CALCRL: variants seen among roughly 807,000 people sequenced by gnomAD.
The protein encoded by CALCRL is calcitonin receptor like receptor, also known as calcitonin gene-related peptide type 1 receptor.
In CALCRL, 27 loss-of-function variants were observed where a neutral mutation model predicts 60.4. The observed-to-expected ratio is 0.45, with a 90% CI of 0.33 to 0.62. The LOEUF (loss-of-function observed/expected upper bound fraction) is 0.62. Among genes scored for constraint, CALCRL ranks in the 20% least tolerant of loss-of-function variants. The pLI is 0.03. For missense variants in CALCRL, 424 were observed against 540.7 expected, an observed-to-expected ratio of 0.78 and a Z score of 2.14; for synonymous variants, 190 against 182.6, an observed-to-expected ratio of 1.04 and a Z score of -0.33.
At chr2:187,363,577 TTC>T in intron 8 of CALCRL, 75 bp from the exon 9 acceptor site, 1 of 1,372,118 alleles carries the variant, frequency 7.3e-7, no homozygotes, top group South Asian at 1.6e-5. Context: ...ATAAGATACA[TTC>T]CCAATTCATA....
chr2:187,427,387 ATGT>A (rs1370262213), intron 1 of CALCRL, among the ~76,000 whole-genome samples: 10 of 152,202 alleles, frequency 6.6e-5, no homozygotes, highest in East Asian at 3.9e-4. Context: ...AAAAATGAAA[ATGT>A]TGTTGCATTT....
At chr2:187,400,236 T>C (rs2105821772) in intron 1 of CALCRL, among the ~76,000 whole-genome samples, 1 of 151,462 alleles carries the variant, frequency 6.6e-6, no homozygotes, top group Non-Finnish European at 1.5e-5. Flanking sequence ...TTTAAAAAAA[T>C]TGATGGGCAA....
At chr2:187,358,063 A>G (rs766461419) in intron 12 of CALCRL, among the ~76,000 whole-genome samples, 1 of 152,100 alleles carries the variant, frequency 6.6e-6, no homozygotes, top group Non-Finnish European at 1.5e-5. Context: ...GTATTAATTT[A>G]CTTTCTCATT....
At chr2:187,405,960 GGT>G (rs3079520) in intron 1 of CALCRL, among the ~76,000 whole-genome samples, 78,368 of 146,366 alleles carry the variant, frequency 0.54, 20,583 homozygotes, top group East Asian at 0.63. Context: ...TGTATGTAGG[GGT>G]GTGTGTGTGT....
At chr2:187,405,789 G>C (rs1689091016) in intron 1 of CALCRL, among the ~76,000 whole-genome samples, 1 of 152,026 alleles carries the variant, frequency 6.6e-6, no homozygotes. Flanking sequence ...CTTGCAGCCA[G>C]CAATTAAGCT....
chr2:187,415,227 T>G (rs1689549888), intron 1 of CALCRL, among the ~76,000 whole-genome samples: 1 of 152,198 alleles, frequency 6.6e-6, no homozygotes, highest in African/African-American at 2.4e-5. Flanking sequence ...GACAAATGCT[T>G]CCTAAATGTT....
chr2:187,435,465 G>A (rs1039276698), intron 1 of CALCRL, among the ~76,000 whole-genome samples: 31 of 152,104 alleles, frequency 2.0e-4, no homozygotes, highest in Admixed American at 2.0e-3. Context: ...CTCCAACACT[G>A]GGGAATCACA....
chr2:187,446,435 A>T (rs1691189279), intron 1 of CALCRL, among the ~76,000 whole-genome samples: 3 of 151,796 alleles, frequency 2.0e-5, no homozygotes, highest in Admixed American at 2.0e-4. Flanking sequence ...TAGTAAACTC[A>T]TAAAAATTTA....
At chr2:187,370,173 A>C (rs978435531) in intron 8 of CALCRL, among the ~76,000 whole-genome samples, 2 of 152,118 alleles carry the variant, frequency 1.3e-5, no homozygotes, top group Admixed American at 1.3e-4. Context: ...TCATCAGCAA[A>C]TATTAGCAGC....
At chr2:187,407,644 T>C (rs1689192435) in intron 1 of CALCRL, among the ~76,000 whole-genome samples, 1 of 152,094 alleles carries the variant, frequency 6.6e-6, no homozygotes, top group African/African-American at 2.4e-5. Flanking sequence ...TCAATTTTAA[T>C]AATACAAGAA....
chr2:187,348,357 C>T (rs1186321148), intron 14 of CALCRL, among the ~76,000 whole-genome samples: 3 of 151,540 alleles, frequency 2.0e-5, no homozygotes, highest in Non-Finnish European at 4.4e-5. Flanking sequence ...ATAAACTTCT[C>T]CTAATTTTGT....
rs1262233154 is a variant in CALCRL, at chr2:187,344,209, A to G, written c.*1975T>C. On this transcript the variant is annotated 3_prime_UTR_variant, in exon 15 of 15. Coordinates refer to ENST00000392370, the MANE Select transcript of CALCRL (RefSeq NM_005795.6). ...TCTAGAACAGCCTGCGTTCCTTTCTATGGCAGCTTGCTATGAAATTCATGT... is the reference window on the plus strand; with the variant it reads ...TCTAGAACAGCCTGCGTTCCTTTCTGTGGCAGCTTGCTATGAAATTCATGT... 1 of 151,682 alleles carries G rather than the reference A, an allele frequency of 6.6e-6. No homozygotes were observed. The highest frequency in any genetic ancestry group is 1.5e-5 in the Non-Finnish European group (1 of 67,704). 9.4% of individuals were successfully genotyped at this position (151,682 alleles called of 1,614,324 possible).
intron 1 of CALCRL, among the ~76,000 whole-genome samples, chr2:187,401,210 G>A (rs1688874903): frequency 6.6e-6 from 1 of 151,578 alleles, no homozygotes; most frequent in Admixed American, 6.6e-5. Flanking sequence ...AAAAGGCCAT[G>A]TGTATCTAAG....
At chr2:187,362,575 G>GAC (rs3836102) in intron 9 of CALCRL, among the ~76,000 whole-genome samples, 7 of 151,262 alleles carry the variant, frequency 4.6e-5, no homozygotes, top group African/African-American at 9.7e-5. Context: ...ACTTTATATA[G>GAC]ACACACACAC....
intron 1 of CALCRL, among the ~76,000 whole-genome samples, chr2:187,424,938 G>T (rs1690053445): frequency 6.6e-6 from 1 of 151,770 alleles, no homozygotes; most frequent in Admixed American, 6.6e-5. Context: ...GTGCAATAAG[G>T]TTTTTTATAA....
chr2:187,354,243 C>A (rs1349675162), intron 12 of CALCRL, among the ~76,000 whole-genome samples: 3 of 151,950 alleles, frequency 2.0e-5, no homozygotes, highest in Non-Finnish European at 4.4e-5. Flanking sequence ...ATTTTGATAT[C>A]ACAGTACCAC....
In CALCRL at chr2:187,385,393, G is replaced by A. The variant is rs1316767345; in HGVS notation, c.51+152C>T. ...TTCTATACCTGTTATAGGACTAAAAGCATACACCGAATGAAAACACATTAT... is the reference window on the plus strand; with the variant it reads ...TTCTATACCTGTTATAGGACTAAAAACATACACCGAATGAAAACACATTAT... On this transcript the variant is annotated intron_variant, in intron 4 of 14. Coordinates refer to ENST00000392370, the MANE Select transcript of CALCRL (RefSeq NM_005795.6). 4 of 553,940 alleles carry A rather than the reference G, an allele frequency of 7.2e-6. No homozygotes were observed. The East Asian group carries it at 9.2e-5, about 13-fold the overall frequency. The allele number at this position is 553,940 out of a possible 1,614,324, so 34.3% of individuals were successfully genotyped here. A position where few individuals can be genotyped will look rare whatever the true frequency, so the allele number is the denominator to read the frequency against.
At chr2:187,347,811 A>G (rs923364077) in intron 14 of CALCRL, among the ~76,000 whole-genome samples, 1 of 151,796 alleles carries the variant, frequency 6.6e-6, no homozygotes, top group Non-Finnish European at 1.5e-5. Context: ...TTCATGTAGG[A>G]AAAAAGAAGG....
At chr2:187,408,850 T>G (rs1164937539) in intron 1 of CALCRL, among the ~76,000 whole-genome samples, 2 of 152,144 alleles carry the variant, frequency 1.3e-5, no homozygotes, top group South Asian at 4.1e-4. Context: ...TTTTAATCAT[T>G]TTTATTCCAT....
Sources: gnomAD v4.1 joint callset for allele counts (sites outside exome capture counted in the v4.1 genomes callset) on GRCh38, gnomAD v4.1.1 for gene constraint, MANE v1.5 for transcripts, NCBI Gene and HGNC (gene_info 2026-07-23, HGNC 2026-07-21) for gene names.